Variants in ARFGEF3 observed in about 807,000 individuals in gnomAD.
ARFGEF3 encodes brefeldin A-inhibited guanine nucleotide-exchange protein 3.
A neutral mutation model predicts 221.7 loss-of-function variants in ARFGEF3; 96 were observed. That is an observed-to-expected ratio of 0.43 (90% CI 0.37 to 0.51). The LOEUF (loss-of-function observed/expected upper bound fraction) is 0.51. Among genes scored for constraint, ARFGEF3 ranks in the 20% least tolerant of loss-of-function variants. The probability of loss-of-function intolerance (pLI) is 0.00; values close to 1 mark genes in which losing one functional copy is unlikely to be tolerated. For missense variants in ARFGEF3, 2,410 were observed against 2,789.9 expected (o/e 0.86, Z 3.07); for synonymous variants, 1,145 against 1,126.8 (o/e 1.02, Z -0.32).
At chr6:138,183,306 C>T (rs992265794) in intron 2 of ARFGEF3, among the ~76,000 whole-genome samples, 1 of 152,114 alleles carries the variant, frequency 6.6e-6, no homozygotes, top group African/African-American at 2.4e-5. Context: ...GGGAGGGTAG[C>T]ATTCATGCAT....
At chr6:138,300,467 A>G (rs545958042) in intron 22 of ARFGEF3, among the ~76,000 whole-genome samples, 2 of 152,194 alleles carry the variant, frequency 1.3e-5, no homozygotes, top group Non-Finnish European at 2.9e-5. Context: ...AAAAAATTTT[A>G]ATCACTCGAA....
At chr6:138,180,680 C>T (rs118104975) in intron 2 of ARFGEF3, among the ~76,000 whole-genome samples, 2,066 of 152,256 alleles carry the variant, frequency 0.014, 32 homozygotes, top group Middle Eastern at 0.058. Flanking sequence ...ATTCTTTATC[C>T]CAGCAAGCTG....
intron 14 of ARFGEF3, 40 bp from the exon 15 acceptor site, chr6:138,285,906 T>C (rs776157552): frequency 8.3e-7 from 1 of 1,200,358 alleles, no homozygotes; most frequent in African/African-American, 1.5e-5. Context: ...TTGACTGGAG[T>C]GTTTTATTTA....
At chr6:138,240,649 G>A (rs1778376740) in intron 6 of ARFGEF3, among the ~76,000 whole-genome samples, 1 of 152,104 alleles carries the variant, frequency 6.6e-6, no homozygotes, top group Non-Finnish European at 1.5e-5. Context: ...GTGGAAAATT[G>A]GTGTTTCCTG....
chr6:138,245,478 G>A (rs535151858), intron 7 of ARFGEF3, 35 bp from the exon 8 acceptor site: 14 of 1,496,552 alleles, frequency 9.4e-6, no homozygotes, highest in Middle Eastern at 1.7e-4. Context: ...GCCCCCTGTC[G>A]ATGTCTCATG....
intron 6 of ARFGEF3, among the ~76,000 whole-genome samples, chr6:138,241,039 A>G (rs1013888105): frequency 1.3e-5 from 2 of 152,194 alleles, no homozygotes; most frequent in African/African-American, 2.4e-5. Context: ...CTTCCGAATG[A>G]GATGCTGCTA....
At chr6:138,271,504 A>C (rs1207439652) in intron 12 of ARFGEF3, among the ~76,000 whole-genome samples, 1 of 152,214 alleles carries the variant, frequency 6.6e-6, no homozygotes, top group African/African-American at 2.4e-5. Context: ...TACTGATATT[A>C]ACTCATTTAA....
rs35236693 is a variant in ARFGEF3, at chr6:138,174,469, TAAAAAAAAAAAAAA to T, written c.137+3781_137+3794del. ...GGCATCCTTCTATTTGAGCATCTGCTAAAAAAAAAAAAAAAAAAAAAAAAAAAAAAAAAAAAAAT... is the reference window on the plus strand; with the variant it reads ...GGCATCCTTCTATTTGAGCATCTGCTAAAAAAAAAAAAAAAAAAAAAAAAT... On this transcript the variant is annotated intron_variant, in intron 2 of 33. Transcript: ENST00000251691. Among the ~76,000 whole-genome samples the T allele has an allele frequency of 5.5e-4, 14 of 25,302 alleles. No homozygotes were observed. In the East Asian group the frequency reaches 0.013, roughly 24 times the overall value. 16.6% of individuals were successfully genotyped at this position (25,302 alleles called of 152,430 possible).
chr6:138,167,153 C>T (rs1776739441), intron 1 of ARFGEF3, among the ~76,000 whole-genome samples: 1 of 152,174 alleles, frequency 6.6e-6, no homozygotes, highest in African/African-American at 2.4e-5. Flanking sequence ...TCACACCCTA[C>T]CAGCTCCATC....
chr6:138,234,475 C>CGTGTGTGTGTGTGT (rs10642229), intron 5 of ARFGEF3, among the ~76,000 whole-genome samples: 1 of 148,090 alleles, frequency 6.8e-6, no homozygotes, highest in African/African-American at 2.5e-5. Context: ...CAGTTCACCC[C>CGTGTGTGTGTGTGT]GTGTGTGTGT....
rs1274360483 is a variant in ARFGEF3 at position 138,271,674 on chromosome 6, C to T, written c.2129-6777C>T. Among the ~76,000 whole-genome samples, 4 of 152,222 alleles carry T rather than the reference C, an allele frequency of 2.6e-5. No individual in the cohort carries two copies. In the East Asian group the frequency reaches 7.7e-4, roughly 29 times the overall value. On this transcript the variant is annotated intron_variant, in intron 12 of 33. Transcript: ENST00000251691. The stretch of plus-strand genomic sequence containing the variant: ...CTGGCTCCAGACAGCATGCTCATTA[C>T]ACTGCACAGTACCAGGATAAGGGGA...
At chr6:138,213,060 G>T (rs895831222) in intron 4 of ARFGEF3, among the ~76,000 whole-genome samples, 1 of 151,942 alleles carries the variant, frequency 6.6e-6, no homozygotes, top group Non-Finnish European at 1.5e-5. Flanking sequence ...AGGTCGAGGT[G>T]GGGGGCTCAC....
chr6:138,303,998 G>C (rs1562385960), intron 22 of ARFGEF3, among the ~76,000 whole-genome samples: 1 of 151,892 alleles, frequency 6.6e-6, no homozygotes, highest in African/African-American at 2.4e-5. Context: ...GTTCCTCAAG[G>C]GGTATATAAC....
intron 2 of ARFGEF3, among the ~76,000 whole-genome samples, chr6:138,189,087 G>A (rs1777245043): frequency 1.3e-5 from 2 of 152,304 alleles, no homozygotes; most frequent in South Asian, 4.1e-4. Context: ...GCATGAAAGT[G>A]ATGTTCGATG....
At chr6:138,320,892 C>T (rs1367380261) in intron 28 of ARFGEF3, among the ~76,000 whole-genome samples, 2 of 151,928 alleles carry the variant, frequency 1.3e-5, no homozygotes, top group Non-Finnish European at 2.9e-5. Context: ...GTGGATGAAA[C>T]ATGCTGAAAT....
intron 2 of ARFGEF3, among the ~76,000 whole-genome samples, chr6:138,183,657 C>T (rs1777124491): frequency 6.6e-6 from 1 of 152,138 alleles, no homozygotes; most frequent in Admixed American, 6.5e-5. Flanking sequence ...AGGACACAAG[C>T]TCTCTTCTCT....
At position 138,335,203 on chromosome 6, in the gene ARFGEF3, C is replaced by A; in HGVS notation, c.6342+15C>A. 6.6e-7 allele frequency: 1 copy of A among 1,513,274 alleles called. No homozygotes were observed. 93.7% of individuals were successfully genotyped at this position (1,513,274 alleles called of 1,614,324 possible). A position where few individuals can be genotyped will look rare whatever the true frequency, so the allele number is the denominator to read the frequency against. On this transcript the variant is annotated intron_variant, in intron 33 of 33. Transcript: ENST00000251691. Reference sequence around the variant, plus strand: ...CACAGATCCAGGTACATCCCTGTGGCCACAGCAGGTGGGCGGGAGGCTGGG... The same window carrying A: ...CACAGATCCAGGTACATCCCTGTGGACACAGCAGGTGGGCGGGAGGCTGGG...
chr6:138,264,295 AG>A (rs1427617386), intron 12 of ARFGEF3, among the ~76,000 whole-genome samples: 1 of 152,254 alleles, frequency 6.6e-6, no homozygotes, highest in Non-Finnish European at 1.5e-5. Context: ...GGGAAGTAGT[AG>A]CATTTCACAT....
At chr6:138,168,359 T>C (rs1401555487) in intron 1 of ARFGEF3, among the ~76,000 whole-genome samples, 2 of 152,248 alleles carry the variant, frequency 1.3e-5, no homozygotes, top group Non-Finnish European at 1.5e-5. Flanking sequence ...AGGCTCCTAG[T>C]TGGGAAAACA....
Sources: gnomAD v4.1 joint callset for allele counts (sites outside exome capture counted in the v4.1 genomes callset) on GRCh38, gnomAD v4.1.1 for gene constraint, MANE v1.5 for transcripts, NCBI Gene and HGNC (gene_info 2026-07-23, HGNC 2026-07-21) for gene names.